HOXC4: variants seen among roughly 807,000 people sequenced by gnomAD.
HOXC4 encodes the protein homeobox protein Hox-C4.
HOXC4 carries 15 observed loss-of-function variants against 25.5 expected under a neutral mutation model. The observed-to-expected ratio is 0.59, with a 90% CI of 0.39 to 0.91. The LOEUF is 0.91. Ranked by LOEUF, HOXC4 falls within the 40% of genes least tolerant of loss-of-function variation. The pLI is 0.00. For missense variants in HOXC4, 342 were observed against 352.4 expected, an observed-to-expected ratio of 0.97 and a Z score of 0.24; for synonymous variants, 165 against 148.0, an observed-to-expected ratio of 1.11 and a Z score of -0.83.
chr12:54,054,791 T>G, intron 1 of HOXC4, 59 bp from the exon 2 acceptor site: 1 of 1,114,960 alleles, frequency 9.0e-7, no homozygotes, highest in Non-Finnish European at 1.3e-6. Flanking sequence ...GGGGTGAGGG[T>G]GGGGGGCGGG....
At chr12:54,048,152 T>A (rs1181377684) in intron 1 of HOXC4, among the ~76,000 whole-genome samples, 1 of 151,888 alleles carries the variant, frequency 6.6e-6, no homozygotes, top group Non-Finnish European at 1.5e-5. Context: ...CTGGACCCCT[T>A]TGGGCTGGAA....
chr12:54,050,304 G>A (rs1254172340), upstream of HOXC4, among the ~76,000 whole-genome samples: 2 of 152,176 alleles, frequency 1.3e-5, no homozygotes, highest in African/African-American at 2.4e-5. Context: ...ACGTGTTTCC[G>A]AAAGAGAAAC....
In HOXC4 at chr12:54,055,461, G is replaced by A. The variant is rs1179560872; in HGVS notation, c.*256G>A. On this transcript the variant is annotated 3_prime_UTR_variant, in exon 2 of 2. Transcript: ENST00000430889. The stretch of plus-strand genomic sequence containing the variant: ...GTTGTCTTAGCATGGTACCTGCTGG[G>A]TGTTTTTTTTTAAAAGGCCATTTTG... 6.1e-6 allele frequency: 1 copy of A among 164,784 alleles called. No individual in the cohort carries two copies. Among genetic ancestry groups the A allele is most frequent in the Non-Finnish European group, 1.3e-5 (1 of 77,708 alleles). The allele number at this position is 164,784 out of a possible 1,614,324, so 10.2% of individuals were successfully genotyped here. A position where few individuals can be genotyped will look rare whatever the true frequency, so the allele number is the denominator to read the frequency against.
At chr12:54,023,735 C>T (rs1432674862) in intron 1 of HOXC4, among the ~76,000 whole-genome samples, 2 of 152,216 alleles carry the variant, frequency 1.3e-5, no homozygotes, top group Admixed American at 6.5e-5. Context: ...TTTCACTTCT[C>T]TCCATGCCTA....
rs1491269544 is a variant in HOXC4, at chr12:54,055,284, TAA to T, written c.*80_*81del. The stretch of plus-strand genomic sequence containing the variant: ...CAAATTGACTCTTATTTATAGAATT[TAA>T]TATATATATATATATATATATATAT... On this transcript the variant is annotated 3_prime_UTR_variant, in exon 2 of 2. Transcript: ENST00000430889. 19 of 313,432 alleles carry T rather than the reference TAA, an allele frequency of 6.1e-5. No individual in the cohort carries two copies. Among genetic ancestry groups the T allele is most frequent in the African/African-American group, 1.3e-4 (3 of 22,280 alleles). 19.4% of individuals were successfully genotyped at this position (313,432 alleles called of 1,614,324 possible).
rs1209567382 is a variant in HOXC4, at chr12:54,054,145, C to T, written c.223C>T (p.Pro75Ser). 6.2e-7 allele frequency: 1 copy of T among 1,614,008 alleles called. No individual in the cohort carries two copies. Among genetic ancestry groups the T allele is most frequent in the African/African-American group, 1.3e-5 (1 of 74,920 alleles). The change falls in exon 1 of 2, where the codon CCC (proline) becomes TCC (serine). Residue 75 changes from proline to serine, a missense_variant. Physicochemically the swap from Pro to Ser is moderately conservative, Grantham distance 74 (BLOSUM62 -1). Transcript: ENST00000430889. ...RQYSCTSLQGPGNSRGHGPAQ... is the reference protein window; with the variant it reads ...RQYSCTSLQGSGNSRGHGPAQ... Reference sequence around the variant, plus strand: ...GTATAGCTGCACCAGTCTCCAGGGGCCCGGCAATTCGCGAGGCCACGGGCC... The same window carrying T: ...GTATAGCTGCACCAGTCTCCAGGGGTCCGGCAATTCGCGAGGCCACGGGCC...
rs571682923 is a variant in HOXC4, at chr12:54,034,890, T to G, written c.-124+17476T>G. The G allele has an allele frequency of 3.2e-5, 8 of 250,254 alleles. No homozygotes were observed. In the South Asian group the frequency reaches 4.4e-4, roughly 14 times the overall value. 15.5% of individuals were successfully genotyped at this position (250,254 alleles called of 1,614,324 possible). A position where few individuals can be genotyped will look rare whatever the true frequency, so the allele number is the denominator to read the frequency against. The stretch of plus-strand genomic sequence containing the variant: ...GCGCCACAGGACCCTCGCCGGACCC[T>G]CTAACCTCGCCCTCTCCTTTGTTCC... On this transcript the variant is annotated intron_variant, in intron 1 of 3. Coordinates refer to the HOXC4 transcript ENST00000303406.
chr12:54,019,466 C>A (rs1023983562), intron 1 of HOXC4, among the ~76,000 whole-genome samples: 1 of 152,174 alleles, frequency 6.6e-6, no homozygotes, highest in Non-Finnish European at 1.5e-5. Context: ...AAAAAGGGAG[C>A]CTTTCTCCTG....
intron 1 of HOXC4, 64 bp downstream of exon 1, chr12:54,054,425 T>C: frequency 1.2e-6 from 1 of 866,522 alleles, no homozygotes; most frequent in Non-Finnish European, 1.6e-6. Context: ...CCCACCCTCC[T>C]CGGCCCCCTC....
At chr12:54,053,106 G>T (rs1238693648), upstream of HOXC4, 1 of 152,390 alleles carries the variant, frequency 6.6e-6, no homozygotes, top group Non-Finnish European at 1.5e-5. Flanking sequence ...GGTAGCAGGG[G>T]AAGGCGAGAC....
chr12:54,052,577 G>T (rs540492224), upstream of HOXC4, among the ~76,000 whole-genome samples: 137 of 150,698 alleles, frequency 9.1e-4, 4 homozygotes, highest in Non-Finnish European at 1.5e-4. Flanking sequence ...GCTGGGGGGG[G>T]GGGGTGGTGG....
Position 54,043,918 on chromosome 12 carries a change from CTGTGTGTG to C in HOXC4, c.-123-9200_-123-9193del, listed in dbSNP as rs71444829. The stretch of plus-strand genomic sequence containing the variant: ...CAACTTTCTGGCTGGAAAACACAGG[CTGTGTGTG>C]TGTGTGTGTGTGTGTGTGTGTGTGT... On this transcript the variant is annotated intron_variant, in intron 1 of 3. Transcript: ENST00000303406. Among the ~76,000 whole-genome samples, 1,191 of 127,310 alleles carry C rather than the reference CTGTGTGTG, an allele frequency of 9.4e-3. 10 individuals are homozygous for C. Among genetic ancestry groups the C allele is most frequent in the South Asian group, 0.037 (132 of 3,542 alleles). 83.5% of individuals were successfully genotyped at this position (127,310 alleles called of 152,430 possible).
At chr12:54,018,948 G>A (rs1466254941) in intron 1 of HOXC4, among the ~76,000 whole-genome samples, 1 of 152,152 alleles carries the variant, frequency 6.6e-6, no homozygotes, top group Non-Finnish European at 1.5e-5. Flanking sequence ...CGCCTGTGGG[G>A]GGGCGGGGAT....
chr12:54,035,990 C>A (rs2136452353), intron 1 of HOXC4, among the ~76,000 whole-genome samples: 1 of 152,250 alleles, frequency 6.6e-6, no homozygotes, highest in Admixed American at 6.5e-5. Context: ...CCACCACCTT[C>A]TAGGGCCTCG....
At position 54,033,000 on chromosome 12, in the gene HOXC4, A is replaced by G; in HGVS notation, c.-124+15586A>G. On this transcript the variant is annotated intron_variant, in intron 1 of 3. Transcript: ENST00000303406. Reference sequence around the variant, plus strand: ...TATTTGGGAAGAGCGCATAGGATAAAGAAAGAGATATCTCCACCTATAAAT... The same window carrying G: ...TATTTGGGAAGAGCGCATAGGATAAGGAAAGAGATATCTCCACCTATAAAT... The G allele has an allele frequency of 8.1e-6, 6 of 741,582 alleles. 1 individual carries two copies. In the South Asian group the frequency reaches 1.1e-4, roughly 14 times the overall value. 45.9% of individuals were successfully genotyped at this position (741,582 alleles called of 1,614,324 possible).
chr12:54,050,985 C>T (rs1309238602), upstream of HOXC4, among the ~76,000 whole-genome samples: 2 of 152,004 alleles, frequency 1.3e-5, no homozygotes, highest in African/African-American at 2.4e-5. Flanking sequence ...TTATACTGGC[C>T]CAAAGTCAGT....
intron 1 of HOXC4, among the ~76,000 whole-genome samples, chr12:54,047,509 A>T (rs1263189208): frequency 1.3e-5 from 2 of 152,214 alleles, no homozygotes; most frequent in Admixed American, 1.3e-4. Flanking sequence ...AGGACTCGGA[A>T]ATACACAAAA....
chr12:54,053,793 G>C, upstream of HOXC4: 1 of 687,972 alleles, frequency 1.5e-6, no homozygotes, highest in South Asian at 1.8e-5. Flanking sequence ...CGGGGACTGG[G>C]TTGCTCCGTG....
intron 1 of HOXC4, among the ~76,000 whole-genome samples, chr12:54,023,222 G>A (rs1940529619): frequency 6.6e-6 from 1 of 152,222 alleles, no homozygotes; most frequent in East Asian, 1.9e-4. Context: ...TTTTCCAGAT[G>A]GAGCTGGAAG....
Sources: gnomAD v4.1 joint callset for allele counts (sites outside exome capture counted in the v4.1 genomes callset) on GRCh38, gnomAD v4.1.1 for gene constraint, MANE v1.5 for transcripts, NCBI Gene and HGNC (gene_info 2026-07-23, HGNC 2026-07-21) for gene names.